CNTN4: variants seen among roughly 807,000 people sequenced by gnomAD.
The protein encoded by CNTN4 is contactin 4.
A neutral mutation model predicts 122.5 loss-of-function variants in CNTN4; 77 were observed. That is an observed-to-expected ratio of 0.63 (90% CI 0.52 to 0.76). CNTN4 has a LOEUF of 0.76. CNTN4 is among the 30% of genes least tolerant of loss of function. The pLI, the probability that CNTN4 is intolerant of heterozygous loss-of-function variation, is 0.00. For synonymous variants in CNTN4, 512 were observed against 447.0 expected (o/e 1.15, Z -1.83); for missense variants, 1,256 against 1,259.1 (o/e 1.00, Z 0.04).
At position 2,743,977 on chromosome 3, in the gene CNTN4, G is replaced by T. The variant is rs546908913; in HGVS notation, c.183-1545G>T. 1.9e-4 allele frequency among the ~76,000 whole-genome samples: 29 copies of T among 152,166 alleles called. 1 individual carries two copies. The highest frequency in any genetic ancestry group is 3.4e-3 in the Middle Eastern group (1 of 294). On this transcript the variant is annotated intron_variant, in intron 5 of 24. Coordinates refer to ENST00000418658, the MANE Select transcript of CNTN4 (RefSeq NM_175607.3). ...AAGCATGCATGCACCACCACACCTG[G>T]CTAAATTTTGTATTTTTTGTGGAGG...
At chr3:2,550,953 G>T (rs1416114151) in intron 3 of CNTN4, among the ~76,000 whole-genome samples, 1 of 152,044 alleles carries the variant, frequency 6.6e-6, no homozygotes, top group Non-Finnish European at 1.5e-5. Flanking sequence ...CCTGTCGGGG[G>T]AGTGGGGAAG....
At chr3:2,650,832 G>C (rs2083327237) in intron 4 of CNTN4, among the ~76,000 whole-genome samples, 1 of 152,100 alleles carries the variant, frequency 6.6e-6, no homozygotes, top group Admixed American at 6.6e-5. Context: ...CATGACTCTT[G>C]TATGCAATGG....
chr3:2,558,248 ATAACACTGT>A (rs2078803849), intron 3 of CNTN4, among the ~76,000 whole-genome samples: 1 of 152,208 alleles, frequency 6.6e-6, no homozygotes, highest in African/African-American at 2.4e-5. Context: ...TGACATTGGT[ATAACACTGT>A]TAACTAAACA....
chr3:2,744,409 C>T (rs768101007), intron 5 of CNTN4, among the ~76,000 whole-genome samples: 2 of 152,178 alleles, frequency 1.3e-5, no homozygotes, highest in Non-Finnish European at 2.9e-5. Context: ...GTGATTTTTA[C>T]TATTTAAAGG....
At chr3:2,789,474 C>T (rs2091940691) in intron 6 of CNTN4, among the ~76,000 whole-genome samples, 4 of 152,178 alleles carry the variant, frequency 2.6e-5, no homozygotes, top group Admixed American at 2.6e-4. Flanking sequence ...GCTCTATTGC[C>T]CAGGCTGGAG....
At chr3:2,762,126 G>A (rs995215279) in intron 6 of CNTN4, among the ~76,000 whole-genome samples, 9 of 152,176 alleles carry the variant, frequency 5.9e-5, no homozygotes, top group African/African-American at 2.2e-4. Context: ...TAGGAAGATT[G>A]AAGGTCTTGA....
chr3:2,305,476 G>A (rs1264281741), intron 2 of CNTN4, among the ~76,000 whole-genome samples: 2 of 152,058 alleles, frequency 1.3e-5, no homozygotes, highest in African/African-American at 4.8e-5. Flanking sequence ...TCTAAGTAAT[G>A]TACTTTATTA....
intron 9 of CNTN4, among the ~76,000 whole-genome samples, chr3:2,885,430 G>C (rs749286637): frequency 7.2e-5 from 11 of 152,180 alleles, no homozygotes; most frequent in African/African-American, 2.7e-4. Flanking sequence ...ATGGACTGCT[G>C]TAAGTTGGTA....
intron 3 of CNTN4, among the ~76,000 whole-genome samples, chr3:2,528,479 A>G (rs760353363): frequency 7.9e-5 from 12 of 152,180 alleles, no homozygotes; most frequent in Non-Finnish European, 1.2e-4. Flanking sequence ...CTAAAATAGC[A>G]CTGATATTAG....
chr3:2,369,144 C>G (rs1490770708), intron 3 of CNTN4, among the ~76,000 whole-genome samples: 3 of 152,012 alleles, frequency 2.0e-5, no homozygotes, highest in Non-Finnish European at 1.5e-5. Context: ...AGGCTGGTCT[C>G]GAACTCCTGA....
chr3:2,525,373 G>A (rs2077364423), intron 3 of CNTN4, among the ~76,000 whole-genome samples: 1 of 152,036 alleles, frequency 6.6e-6, no homozygotes, highest in African/African-American at 2.4e-5. Context: ...AATCATAAAA[G>A]GTATTGTGAA....
chr3:2,356,709 C>T (rs1473041998), intron 3 of CNTN4, among the ~76,000 whole-genome samples: 1 of 152,090 alleles, frequency 6.6e-6, no homozygotes. Context: ...CTTATTTTAC[C>T]CAGCCCCTAT....
chr3:2,217,837 C>T (rs1214962977), intron 2 of CNTN4, among the ~76,000 whole-genome samples: 1 of 152,006 alleles, frequency 6.6e-6, no homozygotes, highest in African/African-American at 2.4e-5. Flanking sequence ...ATAAACATAC[C>T]CACGAGTATA....
At chr3:2,892,311 A>G (rs945202768) in intron 10 of CNTN4, 41 of 152,172 alleles carry the variant, frequency 2.7e-4, no homozygotes. Flanking sequence ...GTTCCCAAGT[A>G]ATGCTGATGC....
intron 4 of CNTN4, among the ~76,000 whole-genome samples, chr3:2,728,254 T>C (rs1363028802): frequency 6.6e-6 from 1 of 152,218 alleles, no homozygotes; most frequent in Non-Finnish European, 1.5e-5. Flanking sequence ...CCCATACGTT[T>C]TATGAGTAAT....
At chr3:2,123,210 A>G (rs899070670) in intron 2 of CNTN4, among the ~76,000 whole-genome samples, 3 of 152,076 alleles carry the variant, frequency 2.0e-5, no homozygotes, top group Non-Finnish European at 2.9e-5. Flanking sequence ...CTTTACAACA[A>G]CCCTCCAAAA....
intron 2 of CNTN4, among the ~76,000 whole-genome samples, chr3:2,153,938 C>T (rs1387394811): frequency 6.6e-6 from 1 of 152,138 alleles, no homozygotes; most frequent in Non-Finnish European, 1.5e-5. Context: ...AATGAAAAAT[C>T]ACAAATGTAT....
At position 2,915,197 on chromosome 3, in the gene CNTN4, C is replaced by G. The variant is rs116244074; in HGVS notation, c.1208-10432C>G. Among the ~76,000 whole-genome samples the G allele has an allele frequency of 6.0e-3, 909 of 152,282 alleles. 4 individuals carry two copies. The highest frequency in any genetic ancestry group is 0.021 in the African/African-American group (871 of 41,568). On this transcript the variant is annotated intron_variant, in intron 12 of 24. Transcript: ENST00000418658. Reference sequence around the variant, plus strand: ...TCTCCCACCTGAGCCTCCCAAGTAGCTGGGATTACAGACGCATGCCAACAT... The same window carrying G: ...TCTCCCACCTGAGCCTCCCAAGTAGGTGGGATTACAGACGCATGCCAACAT...
intron 2 of CNTN4, among the ~76,000 whole-genome samples, chr3:2,335,438 G>A (rs2043911247): frequency 1.3e-5 from 2 of 152,114 alleles, no homozygotes; most frequent in South Asian, 4.1e-4. Flanking sequence ...TCGAAAGGAA[G>A]CTGAGCTTAA....
Sources: allele counts gnomAD v4.1 joint callset (sites outside exome capture counted in the v4.1 genomes callset), GRCh38; gene constraint gnomAD v4.1.1; transcripts MANE v1.5; gene names NCBI Gene and HGNC (gene_info 2026-07-23, HGNC 2026-07-21).